The following RASSF3 variants were observed in gnomAD, a reference collection of about 807,000 sequenced individuals.
RASSF3 encodes the protein Ras association domain family member 3, also known as ras association domain-containing protein 3.
A neutral mutation model predicts 19.9 loss-of-function variants in RASSF3; 19 were observed. That is an observed-to-expected ratio of 0.96 (90% CI 0.67 to 1.40). The LOEUF (loss-of-function observed/expected upper bound fraction) is 1.40. RASSF3 is among the 40% of genes most tolerant of loss of function. The pLI is 0.00. For synonymous variants in RASSF3, 110 were observed against 104.2 expected (o/e 1.06, Z -0.34); for missense variants, 306 against 289.8 (o/e 1.06, Z -0.41).
chr12:64,677,534 C>T (rs1872953570), intron 1 of RASSF3, among the ~76,000 whole-genome samples: 2 of 152,156 alleles, frequency 1.3e-5, no homozygotes, highest in South Asian at 4.1e-4. Context: ...CTCAGCTTCC[C>T]AAAGTGCTGG....
intron 1 of RASSF3, among the ~76,000 whole-genome samples, chr12:64,651,101 G>A (rs959121446): frequency 1.4e-4 from 21 of 152,086 alleles, no homozygotes; most frequent in African/African-American, 4.8e-4. Context: ...ATACAGAGCT[G>A]ACTTACTAAG....
chr12:64,544,224 C>G (rs185599020), downstream of RASSF3, among the ~76,000 whole-genome samples: 1 of 151,850 alleles, frequency 6.6e-6, no homozygotes, highest in Non-Finnish European at 1.5e-5. Context: ...GTGAAGCCAT[C>G]GAGACCACGA....
chr12:64,696,749 G>GA lies in RASSF3; in HGVS notation c.*1844dup, dbSNP rs966054403. The GA allele has an allele frequency of 6.6e-6, 1 of 152,012 alleles. No individual in the cohort carries two copies. Among genetic ancestry groups the GA allele is most frequent in the South Asian group, 2.1e-4 (1 of 4,832 alleles). 9.4% of individuals were successfully genotyped at this position (152,012 alleles called of 1,614,324 possible). On this transcript the variant is annotated 3_prime_UTR_variant, in exon 5 of 5. Transcript: ENST00000542104. ...TCTTCCTAAGCATTTAAGGAAAGTT[G>GA]AAAAAAATAGAATTAGCTATAAAAT...
chr12:64,607,320 T>C (rs1273413083), upstream of RASSF3, among the ~76,000 whole-genome samples: 1 of 151,628 alleles, frequency 6.6e-6, no homozygotes. Context: ...AATATCATTA[T>C]GCTGCTTTTA....
intron 1 of RASSF3, among the ~76,000 whole-genome samples, chr12:64,667,955 C>A (rs546580579): frequency 6.6e-6 from 1 of 152,328 alleles, no homozygotes; most frequent in South Asian, 2.1e-4. Flanking sequence ...TTCCCAAGGT[C>A]ACGCAGATAG....
chr12:64,690,080 C>T (rs1280874196), intron 3 of RASSF3, among the ~76,000 whole-genome samples: 4 of 152,020 alleles, frequency 2.6e-5, no homozygotes, highest in South Asian at 2.1e-4. Context: ...TGAGCCACCG[C>T]GCCTGGCCTC....
chr12:64,692,868 C>T (rs1868304926), intron 4 of RASSF3, among the ~76,000 whole-genome samples: 1 of 152,262 alleles, frequency 6.6e-6, no homozygotes, highest in Admixed American at 6.5e-5. Context: ...TGAGCCACTG[C>T]ACCTGGCCTT....
At chr12:64,515,859 G>A (rs1358231363) in intron 1 of RASSF3, among the ~76,000 whole-genome samples, 1 of 152,020 alleles carries the variant, frequency 6.6e-6, no homozygotes, top group Non-Finnish European at 1.5e-5. Context: ...ACTCACTAGG[G>A]CCTTTCAAGC....
At chr12:64,638,436 T>C (rs2620726) in intron 1 of RASSF3, among the ~76,000 whole-genome samples, 85,709 of 151,624 alleles carry the variant, frequency 0.57, 24,638 homozygotes, top group African/African-American at 0.64. Context: ...AACAATTAGC[T>C]GGGCGTGGTG....
At chr12:64,554,404 A>G (rs965822666) in intron 2 of RASSF3, among the ~76,000 whole-genome samples, 1 of 152,234 alleles carries the variant, frequency 6.6e-6, no homozygotes, top group African/African-American at 2.4e-5. Flanking sequence ...TCCTAGGTTC[A>G]AGAGATTCTC....
intron 1 of RASSF3, among the ~76,000 whole-genome samples, chr12:64,649,516 C>T (rs1321695679): frequency 6.6e-6 from 1 of 152,110 alleles, no homozygotes; most frequent in African/African-American, 2.4e-5. Flanking sequence ...TTAAAAGCAC[C>T]TTGGCTTCTA....
At chr12:64,623,522 C>T (rs1870868522) in intron 1 of RASSF3, among the ~76,000 whole-genome samples, 1 of 152,162 alleles carries the variant, frequency 6.6e-6, no homozygotes, top group Non-Finnish European at 1.5e-5. Context: ...TATAAAGAAA[C>T]AATATTACGT....
chr12:64,511,037 G>A (rs1003685860), intron 1 of RASSF3, among the ~76,000 whole-genome samples: 1 of 152,182 alleles, frequency 6.6e-6, no homozygotes, highest in African/African-American at 2.4e-5. Flanking sequence ...TGTGGAGATT[G>A]AACTTGATCT....
intron 1 of RASSF3, among the ~76,000 whole-genome samples, chr12:64,675,615 C>T (rs747214123): frequency 8.5e-5 from 13 of 152,124 alleles, no homozygotes; most frequent in South Asian, 2.1e-4. Flanking sequence ...CATGGCCCCC[C>T]GCTGTTCTGC....
intron 2 of RASSF3, among the ~76,000 whole-genome samples, chr12:64,550,820 C>CAAAA (rs59308298): frequency 2.9e-4 from 22 of 75,776 alleles, no homozygotes; most frequent in East Asian, 8.1e-4. Context: ...GACTCCATCT[C>CAAAA]AAAAAAAAAA....
At chr12:64,538,969 C>A (rs1013894460) in intron 1 of RASSF3, among the ~76,000 whole-genome samples, 1 of 152,116 alleles carries the variant, frequency 6.6e-6, no homozygotes, top group Non-Finnish European at 1.5e-5. Flanking sequence ...TCACTTGAAC[C>A]TGGGAGGTGG....
At chr12:64,570,489 C>T (rs1235940085) in intron 2 of RASSF3, among the ~76,000 whole-genome samples, 4 of 152,164 alleles carry the variant, frequency 2.6e-5, no homozygotes, top group Non-Finnish European at 5.9e-5. Flanking sequence ...CCTGTGACCA[C>T]GCAATTTGAG....
intron 1 of RASSF3, among the ~76,000 whole-genome samples, chr12:64,642,589 G>A (rs1489081494): frequency 0.081 from 5,998 of 74,254 alleles, 183 homozygotes; most frequent in African/African-American, 0.16. Context: ...AAAAAAAAAA[G>A]ATTCATCAAA....
chr12:64,610,019 C>A (rs1213413013), upstream of RASSF3, among the ~76,000 whole-genome samples: 1 of 152,154 alleles, frequency 6.6e-6, no homozygotes, highest in Non-Finnish European at 1.5e-5. Context: ...CTGGGCGTTG[C>A]GGCTGCAGGA....
Sources: gnomAD v4.1 joint callset for allele counts (sites outside exome capture counted in the v4.1 genomes callset) on GRCh38, gnomAD v4.1.1 for gene constraint, MANE v1.5 for transcripts, NCBI Gene and HGNC (gene_info 2026-07-23, HGNC 2026-07-21) for gene names.